Variants in RET observed in about 807,000 individuals in gnomAD.
RET encodes the protein proto-oncogene tyrosine-protein kinase receptor Ret.
Under a neutral mutation model 118.3 loss-of-function variants are expected in RET, and 19 were observed. The observed-to-expected ratio is 0.16, with a 90% CI of 0.11 to 0.24. The LOEUF is 0.24. RET is among the 10% of genes least tolerant of loss of function. The pLI is 1.00. For missense variants in RET, 1,219 were observed against 1,502.1 expected (o/e 0.81, Z 3.12); for synonymous variants, 597 against 644.1 (o/e 0.93, Z 1.11).
intron 1 of RET, among the ~76,000 whole-genome samples, chr10:43,084,493 C>A (rs1384564661): frequency 2.0e-5 from 3 of 152,198 alleles, no homozygotes; most frequent in Admixed American, 6.5e-5. Context: ...TGCATGCTGG[C>A]CAGTTGCATG....
intron 1 of RET, among the ~76,000 whole-genome samples, chr10:43,099,442 T>A (rs1197426127): frequency 6.6e-6 from 1 of 151,084 alleles, no homozygotes. Flanking sequence ...ACCCGGGAGG[T>A]GGAAGTTGTG....
At chr10:43,089,656 C>T (rs1837369945) in intron 1 of RET, among the ~76,000 whole-genome samples, 3 of 152,194 alleles carry the variant, frequency 2.0e-5, no homozygotes, top group South Asian at 2.1e-4. Flanking sequence ...AGCATTGTGT[C>T]GGGGAGCCCG....
intron 5 of RET, among the ~76,000 whole-genome samples, chr10:43,107,560 C>CACAG (rs1491542770): frequency 3.0e-3 from 41 of 13,782 alleles, no homozygotes; most frequent in African/African-American, 7.8e-3. Context: ...CCCCATGCCT[C>CACAG]ACACACACAC....
rs994161283 is a variant in RET at position 43,102,850 on chromosome 10, A to C, written c.625+221A>C. 3 of 617,448 alleles carry C rather than the reference A, an allele frequency of 4.9e-6. No homozygotes were observed. In the African/African-American group the frequency reaches 5.5e-5, roughly 11 times the overall value. The allele number at this position is 617,448 out of a possible 1,614,324, so 38.2% of individuals were successfully genotyped here. On this transcript the variant is annotated intron_variant, in intron 3 of 19. Transcript: ENST00000355710. ...ACGGGTTGGAATCTTGCCTGCCTGC[A>C]GCTTTCATTCTTGTGGGGCAGACAG...
chr10:43,107,725 T>C (rs2565204), intron 5 of RET, among the ~76,000 whole-genome samples: 115,279 of 152,014 alleles, frequency 0.76, 44,242 homozygotes, highest in African/African-American at 0.85. Context: ...GGTCCCCAGG[T>C]CCAAGGTGGT....
At chr10:43,097,621 C>T (rs1023512279) in intron 1 of RET, among the ~76,000 whole-genome samples, 3 of 152,310 alleles carry the variant, frequency 2.0e-5, no homozygotes, top group East Asian at 1.9e-4. Context: ...CACCCTCTGT[C>T]GCCAGAAATG....
At chr10:43,091,545 C>T (rs1214120115) in intron 1 of RET, among the ~76,000 whole-genome samples, 4 of 151,404 alleles carry the variant, frequency 2.6e-5, no homozygotes, top group African/African-American at 9.7e-5. Context: ...GCAGGAGAAT[C>T]GCTTGAACTC....
intron 1 of RET, among the ~76,000 whole-genome samples, chr10:43,087,133 A>C (rs1325167290): frequency 6.6e-6 from 1 of 152,236 alleles, no homozygotes; most frequent in Non-Finnish European, 1.5e-5. Context: ...GCAGGGGCTC[A>C]GACTGGATGT....
rs1214319154 is a variant in RET at position 43,129,718 on chromosome 10, A to G, written c.*1449A>G. On this transcript the variant is annotated 3_prime_UTR_variant, in exon 20 of 20. Transcript: ENST00000355710. Reference sequence around the variant, plus strand: ...TTTTATATAGGCATTTCACAAAAACAGCAAAATTGTGGCATTTTGTGAGGC... The same window carrying G: ...TTTTATATAGGCATTTCACAAAAACGGCAAAATTGTGGCATTTTGTGAGGC... 15 of 372,782 alleles carry G rather than the reference A, an allele frequency of 4.0e-5. No homozygotes were observed. Among genetic ancestry groups the G allele is most frequent in the Non-Finnish European group, 6.7e-5 (14 of 210,086 alleles). The allele number at this position is 372,782 out of a possible 1,614,324, so 23.1% of individuals were successfully genotyped here.
Position 43,077,276 on chromosome 10 carries a change from C to T in RET, c.18C>T (p.Ser6=), listed in dbSNP as rs1185431356. The T allele has an allele frequency of 4.0e-6, 6 of 1,506,340 alleles. No homozygotes were observed. The East Asian group carries it at 7.9e-5, about 20-fold the overall frequency. The allele number at this position is 1,506,340 out of a possible 1,614,324, so 93.3% of individuals were successfully genotyped here. The change falls in exon 1 of 20, where the codon TCC becomes TCT. Residue 6 remains serine (S), a synonymous_variant. Transcript: ENST00000355710. MAKAT[S]GAAGLRLLLL... is the part of the protein sequence containing the mutation. ...CACGGGCGATGGCGAAGGCGACGTC[C>T]GGTGCCGCGGGGCTGCGTCTGCTGT...
chr10:43,121,899 TAG>T (rs2132983083), intron 15 of RET, 45 bp from the exon 16 acceptor site: 1 of 1,458,922 alleles, frequency 6.9e-7, no homozygotes, highest in Non-Finnish European at 9.6e-7. Flanking sequence ...CCCTCCTTCC[TAG>T]AGAGTTAGAG....
intron 1 of RET, among the ~76,000 whole-genome samples, chr10:43,087,110 T>G (rs915482560): frequency 9.8e-5 from 15 of 152,312 alleles, no homozygotes; most frequent in Middle Eastern, 3.4e-3. Flanking sequence ...GTGAATGATA[T>G]CTCTGTTCTA....
chr10:43,114,918 G>T lies in RET; in HGVS notation c.2136+182G>T, dbSNP rs1864400. Among the ~76,000 whole-genome samples, 1 of 151,954 alleles carries T rather than the reference G, an allele frequency of 6.6e-6. No individual in the cohort carries two copies. The highest frequency in any genetic ancestry group is 1.5e-5 in the Non-Finnish European group (1 of 67,970). On this transcript the variant is annotated intron_variant, in intron 11 of 19. Coordinates refer to ENST00000355710, the MANE Select transcript of RET (RefSeq NM_020975.6). This position sits in a 1 kb window ranked among gnomAD's most constrained non-coding sequence, Gnocchi z 4.6. ...TGGGGACAGTCTGTGGGGTGGGACT[G>T]TGATGAGGTGCCGTTCCCATCTAGG...
intron 1 of RET, among the ~76,000 whole-genome samples, chr10:43,082,100 C>G (rs1812574995): frequency 6.6e-6 from 1 of 152,184 alleles, no homozygotes; most frequent in South Asian, 2.1e-4. Flanking sequence ...CCTCCATTCC[C>G]CAAGCCTAGA....
intron 12 of RET, among the ~76,000 whole-genome samples, 187 bp downstream of exon 12, chr10:43,116,918 G>A (rs909335733): frequency 6.6e-6 from 1 of 152,232 alleles, no homozygotes; most frequent in Middle Eastern, 3.2e-3. Context: ...TGCTCTCCCT[G>A]GAAGGCTCTA....
At chr10:43,081,197 C>G (rs1837173412) in intron 1 of RET, among the ~76,000 whole-genome samples, 1 of 152,100 alleles carries the variant, frequency 6.6e-6, no homozygotes. Flanking sequence ...CCCCATCCCC[C>G]CTTCCTTCTT....
intron 1 of RET, among the ~76,000 whole-genome samples, chr10:43,083,980 G>A (rs993323408): frequency 6.6e-6 from 1 of 152,154 alleles, no homozygotes; most frequent in Admixed American, 6.5e-5. Flanking sequence ...CTGTCTCTGC[G>A]GCTTGGCCTG....
Position 43,114,515 on chromosome 10 carries a change from G to A in RET, c.1915G>A (p.Ala639Thr), listed in dbSNP as rs777122776. 43 of 1,608,444 alleles carry A rather than the reference G, an allele frequency of 2.7e-5. No individual in the cohort carries two copies. The highest frequency in any genetic ancestry group is 3.5e-5 in the Non-Finnish European group (41 of 1,179,928). ...CGACGAGCTGTGCCGCACGGTGATC[G>A]CAGCCGCTGTCCTCTTCTCCTTCAT... ...LCDELCRTVIAAAVLFSFIVS... is the reference protein window; with the variant it reads ...LCDELCRTVITAAVLFSFIVS... Residue 639 changes from alanine (A) to threonine (T), a missense_variant, in exon 11 of 20, where the codon GCA becomes ACA. Ala to Thr is a moderately conservative substitution (Grantham distance 58, BLOSUM62 0). This residue lies in a region of RET where 850 missense variants were observed against 969.6 expected (regional missense o/e 0.88). Coordinates refer to ENST00000355710, the MANE Select transcript of RET (RefSeq NM_020975.6). The surrounding 1 kb of genome is among the most constrained non-coding windows in gnomAD (Gnocchi z 4.6).
At chr10:43,085,288 G>T (rs1364455053) in intron 1 of RET, among the ~76,000 whole-genome samples, 2 of 152,206 alleles carry the variant, frequency 1.3e-5, no homozygotes, top group Non-Finnish European at 2.9e-5. Flanking sequence ...AAACAGCGGG[G>T]AAGCACAGGG....
Sources: gnomAD v4.1 joint callset for allele counts (sites outside exome capture counted in the v4.1 genomes callset) on GRCh38, gnomAD v4.1.1 for gene constraint, gnomAD v4.1.1 regional missense constraint, Gnocchi (gnomAD v3.1) non-coding constraint, MANE v1.5 for transcripts, NCBI Gene and HGNC (gene_info 2026-07-23, HGNC 2026-07-21) for gene names.